The following TMEM217B variants were observed in gnomAD, a reference collection of about 807,000 sequenced individuals.
The protein encoded by TMEM217B is putative transmembrane protein 217B.
At chr6:37,243,823 T>C in the TMEM217B span, among the ~76,000 whole-genome samples, 1 of 152,094 alleles carries the variant, frequency 6.6e-6, no homozygotes, top group Non-Finnish European at 1.5e-5. Flanking sequence ...TGCTGACTGG[T>C]GGGGAATGCC....
At chr6:37,223,431 A>T in the TMEM217B span, among the ~76,000 whole-genome samples, 13 of 152,376 alleles carry the variant, frequency 8.5e-5, no homozygotes, top group African/African-American at 3.1e-4. Context: ...ATCCCATGGA[A>T]TAATATTTTA....
the TMEM217B span, among the ~76,000 whole-genome samples, chr6:37,245,437 A>G: frequency 6.6e-6 from 1 of 152,258 alleles, no homozygotes; most frequent in Non-Finnish European, 1.5e-5. Context: ...GCTTCTTTGC[A>G]TCACAAACTC....
chr6:37,245,557 T>A, the TMEM217B span, among the ~76,000 whole-genome samples: 1 of 152,224 alleles, frequency 6.6e-6, no homozygotes, highest in Non-Finnish European at 1.5e-5. Flanking sequence ...CATTTTCAGC[T>A]ATAATACTAG....
At chr6:37,257,679 C>A in the TMEM217B span, 1 of 534,646 alleles carries the variant, frequency 1.9e-6, no homozygotes, top group Non-Finnish European at 3.3e-6. Flanking sequence ...CGGTCGGCTT[C>A]AGCGGCCTGC....
chr6:37,237,553 C>A, the TMEM217B span, among the ~76,000 whole-genome samples: 1 of 152,126 alleles, frequency 6.6e-6, no homozygotes, highest in African/African-American at 2.4e-5. Context: ...GAATCATATG[C>A]AAAGCTTGAA....
At chr6:37,218,014 G>A in the TMEM217B span, 1 of 991,566 alleles carries the variant, frequency 1.0e-6, no homozygotes, top group Non-Finnish European at 1.2e-6. Flanking sequence ...ATGTTCTCCT[G>A]AAAGAGTGGC....
chr6:37,229,915 A>C, the TMEM217B span, among the ~76,000 whole-genome samples: 1 of 152,212 alleles, frequency 6.6e-6, no homozygotes, highest in African/African-American at 2.4e-5. Flanking sequence ...AGGTTTCACA[A>C]GGTAGAAATG....
the TMEM217B span, among the ~76,000 whole-genome samples, chr6:37,252,551 GA>G: frequency 3.6e-3 from 543 of 150,570 alleles, 3 homozygotes; most frequent in African/African-American, 0.012. Context: ...TATATGTTGT[GA>G]GGGGTGTGAG....
At chr6:37,257,834 G>A in the TMEM217B span, 2 of 1,501,874 alleles carry the variant, frequency 1.3e-6, no homozygotes, top group Non-Finnish European at 1.8e-6. Flanking sequence ...AGCGGCCTGG[G>A]TTGGCCCTCA....
chr6:37,229,822 AAC>A, the TMEM217B span, among the ~76,000 whole-genome samples: 1,191 of 152,286 alleles, frequency 7.8e-3, 8 homozygotes, highest in Middle Eastern at 0.027. Context: ...GAGTGGTTAC[AAC>A]ACACAGTTAT....
the TMEM217B span, among the ~76,000 whole-genome samples, chr6:37,217,021 G>A: frequency 1.3e-5 from 2 of 152,092 alleles, no homozygotes; most frequent in Non-Finnish European, 2.9e-5. Context: ...TAGCAGCAGT[G>A]GGTGACTCAC....
chr6:37,245,373 G>A, the TMEM217B span, among the ~76,000 whole-genome samples: 22 of 152,230 alleles, frequency 1.4e-4, no homozygotes, highest in Non-Finnish European at 3.2e-4. Flanking sequence ...CCAAACTGGG[G>A]GTTGCTGCCA....
At chr6:37,234,284 G>A in the TMEM217B span, among the ~76,000 whole-genome samples, 2 of 152,026 alleles carry the variant, frequency 1.3e-5, no homozygotes, top group East Asian at 1.9e-4. Flanking sequence ...ATTTTTAGTC[G>A]AGGTGGGGTT....
chr6:37,232,350 A>C, the TMEM217B span, among the ~76,000 whole-genome samples: 4 of 152,138 alleles, frequency 2.6e-5, no homozygotes, highest in African/African-American at 9.7e-5. Context: ...ATCTAGACTA[A>C]AGGCCCTATG....
chr6:37,257,105 T>G, the TMEM217B span, among the ~76,000 whole-genome samples: 1 of 152,228 alleles, frequency 6.6e-6, no homozygotes, highest in Admixed American at 6.5e-5. Flanking sequence ...TAATCTGAGT[T>G]GGACAGCTAT....
chr6:37,222,334 G>A, the TMEM217B span, among the ~76,000 whole-genome samples: 109 of 152,278 alleles, frequency 7.2e-4, no homozygotes, highest in East Asian at 0.02. Flanking sequence ...CCCAGGGCTC[G>A]ACCCCAACCC....
the TMEM217B span, chr6:37,215,059 AC>A: frequency 9.2e-7 from 1 of 1,082,436 alleles, no homozygotes; most frequent in Non-Finnish European, 1.3e-6. Context: ...TATAAAGCCC[AC>A]TGGTTCCACA....
chr6:37,230,862 T>G, the TMEM217B span, among the ~76,000 whole-genome samples: 5 of 152,100 alleles, frequency 3.3e-5, no homozygotes, highest in African/African-American at 7.2e-5. Context: ...CTTATAAAAA[T>G]TAAGTTAATT....
the TMEM217B span, among the ~76,000 whole-genome samples, chr6:37,252,312 G>A: frequency 1.3e-5 from 2 of 152,162 alleles, no homozygotes; most frequent in South Asian, 4.1e-4. Context: ...ACAGCCCCGA[G>A]AGCTTATTTA....
Sources: gnomAD v4.1 joint callset for allele counts (sites outside exome capture counted in the v4.1 genomes callset) on GRCh38, gnomAD v4.1.1 for gene constraint, MANE v1.5 for transcripts, NCBI Gene and HGNC (gene_info 2026-07-23, HGNC 2026-07-21) for gene names.